NHSL2: variants seen among roughly 807,000 people sequenced by gnomAD.
The protein encoded by NHSL2 is NHS like 2.
Under a neutral mutation model 53.4 loss-of-function variants are expected in NHSL2, and 27 were observed. That is an observed-to-expected ratio of 0.51 (90% CI 0.37 to 0.70). The LOEUF (loss-of-function observed/expected upper bound fraction) is 0.70. NHSL2 is among the 30% of genes least tolerant of loss of function. The pLI is 0.00. For synonymous variants in NHSL2, 408 were observed against 404.1 expected (o/e 1.01, Z -0.12); for missense variants, 892 against 980.1 (o/e 0.91, Z 1.20).
intron 1 of NHSL2, among the ~76,000 whole-genome samples, chrX:72,023,926 C>T (rs942743190): frequency 9.0e-5 from 10 of 111,120 alleles, no homozygotes; most frequent in Non-Finnish European, 1.7e-4. Flanking sequence ...ATGGAACCGA[C>T]GGGAACTGTC....
rs1294114887 is a variant in NHSL2 at position 71,929,683 on chromosome X, G to A, written c.280+18316G>A. ...CTGAAACTCTACTCAAGATTGTAGTGTGCATGGATGGTTTTCATTAGTGCA... is the reference window on the plus strand; with the variant it reads ...CTGAAACTCTACTCAAGATTGTAGTATGCATGGATGGTTTTCATTAGTGCA... On this transcript the variant is annotated intron_variant, in intron 1 of 7. Transcript: ENST00000633930. Among the ~76,000 whole-genome samples, 3 of 111,695 alleles carry A rather than the reference G, an allele frequency of 2.7e-5. No homozygotes were observed. The East Asian group carries it at 8.4e-4, about 31-fold the overall frequency.
intron 1 of NHSL2, among the ~76,000 whole-genome samples, chrX:72,012,412 G>C (rs1373444704): frequency 8.9e-6 from 1 of 112,262 alleles, no homozygotes; most frequent in Non-Finnish European, 1.9e-5. Flanking sequence ...TGAGCTTAAG[G>C]TGTGGGCAGG....
At position 71,928,091 on chromosome X, in the gene NHSL2, A is replaced by G. The variant is rs143562517; in HGVS notation, c.280+16724A>G. Among the ~76,000 whole-genome samples, 252 of 112,671 alleles carry G rather than the reference A, an allele frequency of 2.2e-3. 7 individuals carry two copies. In the East Asian group the frequency reaches 0.048, roughly 22 times the overall value. On this transcript the variant is annotated intron_variant, in intron 1 of 7. Coordinates refer to ENST00000633930, the MANE Select transcript of NHSL2 (RefSeq NM_001013627.3). ...CTTCTTAATCTTTGCTTTATTTGAAACAGGTACTATTTTCCCAATTTTGTA... is the reference window on the plus strand; with the variant it reads ...CTTCTTAATCTTTGCTTTATTTGAAGCAGGTACTATTTTCCCAATTTTGTA...
At chrX:72,136,562 T>G (rs2042357361) in intron 4 of NHSL2, among the ~76,000 whole-genome samples, 1 of 112,075 alleles carries the variant, frequency 8.9e-6, no homozygotes, top group Non-Finnish European at 1.9e-5. Flanking sequence ...TAGGACAGAC[T>G]ATCAGGCATC....
chrX:72,105,119 G>C (rs1462154612), intron 1 of NHSL2, among the ~76,000 whole-genome samples: 1 of 110,225 alleles, frequency 9.1e-6, no homozygotes, highest in East Asian at 2.8e-4. Context: ...CAGGCAGCTG[G>C]GCCTTTCTTC....
chrX:72,113,379 C>T (rs1002216056), intron 1 of NHSL2, among the ~76,000 whole-genome samples: 2 of 111,148 alleles, frequency 1.8e-5, no homozygotes, highest in East Asian at 5.7e-4. Context: ...AATGCTGAAC[C>T]CTGCTGTTGT....
At chrX:72,086,422 G>A (rs951469807) in intron 1 of NHSL2, among the ~76,000 whole-genome samples, 5 of 111,939 alleles carry the variant, frequency 4.5e-5, no homozygotes, top group Admixed American at 9.4e-5. Context: ...GGTGGCTTAC[G>A]CCTATAATCC....
chrX:72,011,736 A>G (rs2042116982), intron 1 of NHSL2, among the ~76,000 whole-genome samples: 2 of 111,856 alleles, frequency 1.8e-5, no homozygotes, highest in South Asian at 7.4e-4. Flanking sequence ...CCCACCAGCA[A>G]TGTATGAGGA....
Position 72,139,509 on chromosome X carries a change from G to A in NHSL2, c.1961G>A (p.Ser654Asn). Reference sequence around the variant, plus strand: ...GGTGACACCTACCAATCCCTGTCCAGCTCCAGCACTGCCACTGGCACCACA... The same window carrying A: ...GGTGACACCTACCAATCCCTGTCCAACTCCAGCACTGCCACTGGCACCACA... ...KSGDTYQSLS[S>N]SSTATGTTVI... is the part of the protein sequence containing the mutation. Residue 654 changes from serine to asparagine, a missense_variant, in exon 6 of 8, where the codon AGC becomes AAC. Transcript: ENST00000633930. 4 of 1,211,319 alleles carry A rather than the reference G, an allele frequency of 3.3e-6. No individual in the cohort carries two copies. Among genetic ancestry groups the A allele is most frequent in the Non-Finnish European group, 4.5e-6 (4 of 895,100 alleles).
At chrX:71,973,393 G>A (rs1317470798) in intron 1 of NHSL2, among the ~76,000 whole-genome samples, 4 of 111,967 alleles carry the variant, frequency 3.6e-5, no homozygotes, top group Non-Finnish European at 5.6e-5. Flanking sequence ...GCTACCAGCC[G>A]TCTTAACTGC....
In NHSL2 at chrX:71,963,972, T is replaced by TATAC. The variant is rs1393598950; in HGVS notation, c.280+52606_280+52607insTACA. On this transcript the variant is annotated intron_variant, in intron 1 of 7. Transcript: ENST00000633930. ...GGCTATATATATACACATATATATA[T>TATAC]ACATATATATATATATATATGTATA... is the stretch of plus-strand genomic sequence containing the variant. Among the ~76,000 whole-genome samples, 251 of 42,690 alleles carry TATAC rather than the reference T, an allele frequency of 5.9e-3. 18 individuals are homozygous for TATAC. In the East Asian group the frequency reaches 0.12, roughly 20 times the overall value. 37.1% of individuals were successfully genotyped at this position (42,690 alleles called of 115,157 possible). A position where few individuals can be genotyped will look rare whatever the true frequency, so the allele number is the denominator to read the frequency against.
intron 1 of NHSL2, among the ~76,000 whole-genome samples, chrX:71,991,182 GT>G (rs1161631225): frequency 9.8e-5 from 11 of 112,816 alleles, no homozygotes; most frequent in African/African-American, 3.5e-4. Flanking sequence ...AACATGTTTT[GT>G]TGGTTGGCAC....
chrX:72,137,343 TC>T, intron 5 of NHSL2, 118 bp downstream of exon 5: 1 of 698,836 alleles, frequency 1.4e-6, no homozygotes, highest in Non-Finnish European at 2.1e-6. Context: ...GGAGGGGGCC[TC>T]CGGATGTCCT....
chrX:72,096,089 G>T (rs1292041077), intron 1 of NHSL2, among the ~76,000 whole-genome samples: 1 of 109,048 alleles, frequency 9.2e-6, no homozygotes, highest in African/African-American at 3.3e-5. Flanking sequence ...CAAGCAGAAG[G>T]GAGATGCAGT....
At chrX:71,911,541 C>T (rs996436947) in intron 1 of NHSL2, among the ~76,000 whole-genome samples, 174 bp downstream of exon 1, 1 of 111,896 alleles carries the variant, frequency 8.9e-6, no homozygotes, top group African/African-American at 3.2e-5. Context: ...GCCCCACGGT[C>T]GCCCTACCGC....
chrX:72,138,107 G>A (rs978745451), intron 5 of NHSL2, among the ~76,000 whole-genome samples: 5 of 111,785 alleles, frequency 4.5e-5, no homozygotes, highest in African/African-American at 1.6e-4. Context: ...ATGGATGAAT[G>A]CTGAGGTCTG....
At chrX:72,132,679 T>G (rs1365743751) in intron 2 of NHSL2, among the ~76,000 whole-genome samples, 1 of 111,872 alleles carries the variant, frequency 8.9e-6, no homozygotes, top group African/African-American at 3.3e-5. Flanking sequence ...CAATAACCCC[T>G]GGATAGCTAC....
intron 1 of NHSL2, among the ~76,000 whole-genome samples, chrX:71,996,418 C>A (rs916550420): frequency 8.9e-6 from 1 of 112,442 alleles, no homozygotes; most frequent in Non-Finnish European, 1.9e-5. Context: ...AAGGCCTGGG[C>A]AAATCCAGCA....
chrX:71,975,678 T>G (rs1221689817), intron 1 of NHSL2, among the ~76,000 whole-genome samples: 3 of 110,765 alleles, frequency 2.7e-5, no homozygotes, highest in Non-Finnish European at 5.7e-5. Context: ...CCAAACTAGC[T>G]CCTTCCTCAT....
Sources: allele counts gnomAD v4.1 joint callset (sites outside exome capture counted in the v4.1 genomes callset), GRCh38; gene constraint gnomAD v4.1.1; transcripts MANE v1.5; gene names NCBI Gene and HGNC (gene_info 2026-07-23, HGNC 2026-07-21).